Variants in CMSS1 observed in about 807,000 individuals in gnomAD.
CMSS1 encodes cms1 ribosomal small subunit homolog.
CMSS1 carries 33 observed loss-of-function variants against 43.5 expected under a neutral mutation model. The observed-to-expected ratio is 0.76, with a 90% CI of 0.57 to 1.01. The LOEUF is 1.01. Among genes scored for constraint, CMSS1 ranks in the 50% least tolerant of loss-of-function variants. CMSS1 has a pLI of 0.00. For missense variants in CMSS1, 313 were observed against 326.4 expected (o/e 0.96, Z 0.32); for synonymous variants, 115 against 117.2 (o/e 0.98, Z 0.12).
chr3:100,167,814 G>T lies in CMSS1; in HGVS notation c.492G>T (p.Ser164=). The part of the protein sequence containing the change: ...KSVLMLIICS[S]AVRALELIRS... Reference sequence around the variant, plus strand: ...TCCTGATGCTGATCATCTGCAGCTCGGCCGTCCGAGCCCTGGAGCTCATTA... The same window carrying T: ...TCCTGATGCTGATCATCTGCAGCTCTGCCGTCCGAGCCCTGGAGCTCATTA... Residue 164 remains serine (S), a synonymous_variant, in exon 6 of 10, where the codon TCG becomes TCT. Coordinates refer to ENST00000421999, the MANE Select transcript of CMSS1 (RefSeq NM_032359.4). 6.2e-7 allele frequency: 1 copy of T among 1,612,906 alleles called. No individual in the cohort carries two copies. Among genetic ancestry groups the T allele is most frequent in the South Asian group, 1.1e-5 (1 of 90,894 alleles).
intron 4 of CMSS1, among the ~76,000 whole-genome samples, chr3:100,164,686 A>G (rs551549127): frequency 6.6e-6 from 1 of 152,284 alleles, no homozygotes; most frequent in African/African-American, 2.4e-5. Flanking sequence ...AGGACAGAGA[A>G]TAGATCTAAG....
intron 1 of CMSS1, among the ~76,000 whole-genome samples, chr3:100,035,149 GATT>G (rs1424987018): frequency 6.6e-6 from 1 of 152,074 alleles, no homozygotes; most frequent in Non-Finnish European, 1.5e-5. Context: ...TGCTTTCTAG[GATT>G]ATTAGCAATT....
intron 1 of CMSS1, among the ~76,000 whole-genome samples, chr3:100,100,231 T>C (rs898564827): frequency 6.6e-6 from 1 of 152,142 alleles, no homozygotes; most frequent in Non-Finnish European, 1.5e-5. Context: ...TCAAGGGTTG[T>C]ACATCCTGAG....
chr3:99,954,546 C>A (rs987680865), intron 1 of CMSS1, among the ~76,000 whole-genome samples: 1 of 152,184 alleles, frequency 6.6e-6, no homozygotes, highest in Admixed American at 6.5e-5. Context: ...AATAACTGGG[C>A]TGGGCACAGT....
chr3:99,907,063 A>G (rs1006299648), intron 1 of CMSS1, among the ~76,000 whole-genome samples: 1 of 152,196 alleles, frequency 6.6e-6, no homozygotes, highest in African/African-American at 2.4e-5. Context: ...CTAAATAAAC[A>G]TATTTTTGGG....
chr3:100,047,966 C>A (rs1053934401), intron 1 of CMSS1, among the ~76,000 whole-genome samples: 1 of 152,148 alleles, frequency 6.6e-6, no homozygotes, highest in African/African-American at 2.4e-5. Flanking sequence ...AACGAATTGT[C>A]CCTCCTATAG....
At position 100,077,117 on chromosome 3, in the gene CMSS1, C is replaced by T. The variant is rs551771330; in HGVS notation, c.65-69856C>T. Among the ~76,000 whole-genome samples the T allele has an allele frequency of 2.6e-5, 4 of 152,280 alleles. No homozygotes were observed. The East Asian group carries it at 7.7e-4, about 29-fold the overall frequency. ...ACAGACAGCTGTGTTTTGCATTTAG[C>T]GTCCTTTGAAAGAAGAGTGGATGCT... is the stretch of plus-strand genomic sequence containing the variant. On this transcript the variant is annotated intron_variant, in intron 1 of 9. Transcript: ENST00000421999.
chr3:99,853,613 T>C (rs1384983017), intron 1 of CMSS1, among the ~76,000 whole-genome samples: 1 of 152,246 alleles, frequency 6.6e-6, no homozygotes, highest in Non-Finnish European at 1.5e-5. Context: ...GCCTGGGGCA[T>C]GTTGCGTATT....
intron 1 of CMSS1, among the ~76,000 whole-genome samples, chr3:100,038,270 A>T (rs1244960061): frequency 6.6e-6 from 1 of 152,122 alleles, no homozygotes; most frequent in Non-Finnish European, 1.5e-5. Flanking sequence ...TTTTCTTCTC[A>T]TTAAAATATA....
intron 1 of CMSS1, among the ~76,000 whole-genome samples, chr3:99,993,304 G>C (rs1289498416): frequency 6.6e-6 from 1 of 151,920 alleles, no homozygotes; most frequent in African/African-American, 2.4e-5. Context: ...ATTTGTTTAT[G>C]TCATCTACAA....
intron 1 of CMSS1, among the ~76,000 whole-genome samples, chr3:100,094,130 G>A (rs996334719): frequency 2.0e-5 from 3 of 152,152 alleles, no homozygotes; most frequent in African/African-American, 7.2e-5. Context: ...AATTCTGATA[G>A]ATGTGTAGTG....
At chr3:100,130,597 G>A (rs1016551310) in intron 1 of CMSS1, among the ~76,000 whole-genome samples, 14 of 152,198 alleles carry the variant, frequency 9.2e-5, no homozygotes, top group South Asian at 4.1e-4. Context: ...TACCTGAGCC[G>A]AAACAACCAC....
chr3:99,987,528 CAAAAAAAAAAA>C (rs1209242716), intron 1 of CMSS1, among the ~76,000 whole-genome samples: 1 of 57,164 alleles, frequency 1.7e-5, no homozygotes, highest in Admixed American at 2.0e-4. Flanking sequence ...GATTCTGTCT[CAAAAAAAAAAA>C]AAAAAAAGAA....
At chr3:100,119,004 ACT>A (rs1559763645) in intron 1 of CMSS1, among the ~76,000 whole-genome samples, 2 of 151,842 alleles carry the variant, frequency 1.3e-5, no homozygotes, top group African/African-American at 4.8e-5. Flanking sequence ...TTTTTTGTTG[ACT>A]CTCTGAGCTT....
intron 8 of CMSS1, 97 bp downstream of exon 8, chr3:100,172,500 A>G (rs922913343): frequency 2.3e-6 from 2 of 881,662 alleles, no homozygotes; most frequent in African/African-American, 3.3e-5. Flanking sequence ...TACAAAAACC[A>G]GACCTCTGTG....
intron 1 of CMSS1, among the ~76,000 whole-genome samples, chr3:99,842,063 G>A (rs1009625383): frequency 6.6e-6 from 1 of 152,140 alleles, no homozygotes; most frequent in Non-Finnish European, 1.5e-5. Flanking sequence ...ATTCGCAATT[G>A]CAAAAATATG....
At chr3:100,132,007 T>C (rs1449802341) in intron 1 of CMSS1, among the ~76,000 whole-genome samples, 1 of 152,266 alleles carries the variant, frequency 6.6e-6, no homozygotes, top group Non-Finnish European at 1.5e-5. Flanking sequence ...GAAATAGAGA[T>C]AATTTTTCTA....
At chr3:100,078,337 AT>A (rs575712651) in intron 1 of CMSS1, among the ~76,000 whole-genome samples, 113 of 151,880 alleles carry the variant, frequency 7.4e-4, no homozygotes, top group Non-Finnish European at 1.3e-3. Flanking sequence ...ACTTTGCCTA[AT>A]TTTTTTTTCT....
At chr3:100,031,659 A>G (rs895793250) in intron 1 of CMSS1, among the ~76,000 whole-genome samples, 1 of 152,076 alleles carries the variant, frequency 6.6e-6, no homozygotes, top group Non-Finnish European at 1.5e-5. Context: ...CCTCAAGGAA[A>G]AGTCAAGCTA....
Sources: allele counts gnomAD v4.1 joint callset (sites outside exome capture counted in the v4.1 genomes callset), GRCh38; gene constraint gnomAD v4.1.1; transcripts MANE v1.5; gene names NCBI Gene and HGNC (gene_info 2026-07-23, HGNC 2026-07-21).